FAM168A: variants seen among roughly 807,000 people sequenced by gnomAD.
The protein encoded by FAM168A is protein FAM168A.
FAM168A carries 3 observed loss-of-function variants against 28.5 expected under a neutral mutation model. That is an observed-to-expected ratio of 0.11 (90% CI 0.05 to 0.27). FAM168A has a LOEUF of 0.27. Ranked by LOEUF, FAM168A falls within the 10% of genes least tolerant of loss-of-function variation. The pLI, the probability that FAM168A is intolerant of heterozygous loss-of-function variation, is 1.00. For synonymous variants in FAM168A, 122 were observed against 124.2 expected (o/e 0.98, Z 0.12); for missense variants, 222 against 311.5 (o/e 0.71, Z 2.16).
rs1478864425 is a variant in FAM168A at position 73,402,624 on chromosome 11, A to G, written c.*4139T>C. On this transcript the variant is annotated 3_prime_UTR_variant, in exon 8 of 8. Coordinates refer to ENST00000356467, the MANE Select transcript of FAM168A (RefSeq NM_015159.3). ...CAGTCTGTACGTTTTGTACCAACTC[A>G]CTGGATCTGGACAGTGGGCAGGCTC... 1 of 152,170 alleles carries G rather than the reference A, an allele frequency of 6.6e-6. No individual in the cohort carries two copies. Among genetic ancestry groups the G allele is most frequent in the African/African-American group, 2.4e-5 (1 of 41,432 alleles). 9.4% of individuals were successfully genotyped at this position (152,170 alleles called of 1,614,324 possible). A position where few individuals can be genotyped will look rare whatever the true frequency, so the allele number is the denominator to read the frequency against.
chr11:73,407,466 T>C (rs1866526943), intron 7 of FAM168A, 47 bp downstream of exon 7: 1 of 1,358,760 alleles, frequency 7.4e-7, no homozygotes, highest in African/African-American at 1.5e-5. Context: ...TTGAGGCAGT[T>C]CCTGTATGTA....
chr11:73,424,703 ACTGAGGAG>A (rs1268161505), intron 3 of FAM168A, among the ~76,000 whole-genome samples: 1 of 152,192 alleles, frequency 6.6e-6, no homozygotes, highest in Non-Finnish European at 1.5e-5. Context: ...CACAAAGCCA[ACTGAGGAG>A]CTGCATACAG....
chr11:73,496,903 A>ACACACACG (rs1555027763), intron 1 of FAM168A, among the ~76,000 whole-genome samples: 14 of 148,494 alleles, frequency 9.4e-5, no homozygotes, highest in African/African-American at 1.8e-4. Flanking sequence ...ACACACACAC[A>ACACACACG]CACGCACACA....
chr11:73,578,021 G>GTACTC (rs1944196159), intron 1 of FAM168A, among the ~76,000 whole-genome samples: 1 of 152,134 alleles, frequency 6.6e-6, no homozygotes, highest in Non-Finnish European at 1.5e-5. Flanking sequence ...ACTCCTAAAT[G>GTACTC]TACTCTAGAC....
intron 1 of FAM168A, among the ~76,000 whole-genome samples, chr11:73,533,830 G>C (rs1455657850): frequency 1.3e-5 from 2 of 152,090 alleles, no homozygotes; most frequent in African/African-American, 4.8e-5. Context: ...GTAAACTTTT[G>C]GGGGGAGTGC....
chr11:73,478,168 T>C (rs1054329016), intron 1 of FAM168A, among the ~76,000 whole-genome samples: 3 of 152,214 alleles, frequency 2.0e-5, no homozygotes, highest in Admixed American at 6.5e-5. Flanking sequence ...TTAGTTTGCA[T>C]CTGAACTAGA....
At chr11:73,477,203 A>G (rs1363172304) in intron 1 of FAM168A, among the ~76,000 whole-genome samples, 2 of 152,014 alleles carry the variant, frequency 1.3e-5, no homozygotes, top group Non-Finnish European at 2.9e-5. Flanking sequence ...AATAGACACT[A>G]GGACTTACTT....
chr11:73,573,121 C>T (rs2134723876), intron 1 of FAM168A, among the ~76,000 whole-genome samples: 1 of 152,298 alleles, frequency 6.6e-6, no homozygotes, highest in South Asian at 2.1e-4. Flanking sequence ...AGAGACACCA[C>T]TGGATTCATG....
chr11:73,410,097 A>T (rs1866581696), intron 5 of FAM168A, among the ~76,000 whole-genome samples: 1 of 152,166 alleles, frequency 6.6e-6, no homozygotes, highest in South Asian at 2.1e-4. Flanking sequence ...GTTGTAAAAA[A>T]AAAAAGTACA....
At chr11:73,556,995 C>G (rs1012547469) in intron 1 of FAM168A, among the ~76,000 whole-genome samples, 3 of 151,524 alleles carry the variant, frequency 2.0e-5, no homozygotes, top group Admixed American at 1.3e-4. Context: ...CACCACTGCA[C>G]TCCAGTCTGG....
chr11:73,458,961 C>T (rs1354869009), intron 2 of FAM168A, among the ~76,000 whole-genome samples: 1 of 152,204 alleles, frequency 6.6e-6, no homozygotes, highest in Non-Finnish European at 1.5e-5. Context: ...TAAATGAGAT[C>T]ACAAATCGTA....
chr11:73,567,655 A>T (rs942392172), intron 1 of FAM168A, among the ~76,000 whole-genome samples: 1 of 152,202 alleles, frequency 6.6e-6, no homozygotes, highest in Non-Finnish European at 1.5e-5. Context: ...AATGTTATTT[A>T]TAACTTGATA....
At chr11:73,522,359 G>A (rs1343646263) in intron 1 of FAM168A, among the ~76,000 whole-genome samples, 2 of 151,906 alleles carry the variant, frequency 1.3e-5, no homozygotes, top group Non-Finnish European at 2.9e-5. Flanking sequence ...TCGTTCTGTC[G>A]CCCAGGCTGG....
At chr11:73,425,097 AGTT>A in intron 3 of FAM168A, 1 of 1,392,802 alleles carries the variant, frequency 7.2e-7, no homozygotes, top group Non-Finnish European at 9.7e-7. Context: ...ATTTGTGCAA[AGTT>A]GTATACATTG....
At chr11:73,420,539 C>A (rs1866773673) in intron 3 of FAM168A, among the ~76,000 whole-genome samples, 1 of 152,252 alleles carries the variant, frequency 6.6e-6, no homozygotes, top group Non-Finnish European at 1.5e-5. Context: ...TTAAAAGGCA[C>A]TGGGCACTGT....
intron 2 of FAM168A, chr11:73,452,039 C>T (rs1590786821): frequency 6.6e-6 from 1 of 152,386 alleles, no homozygotes; most frequent in Non-Finnish European, 1.5e-5. Flanking sequence ...CAGCTGCCAC[C>T]ACTGCCACCA....
At chr11:73,463,921 A>C (rs937122163) in intron 2 of FAM168A, among the ~76,000 whole-genome samples, 23 of 152,200 alleles carry the variant, frequency 1.5e-4, no homozygotes, top group Admixed American at 4.6e-4. Context: ...AAAGTAATTA[A>C]GTGACCTTGG....
At chr11:73,493,630 C>T (rs896479142) in intron 1 of FAM168A, among the ~76,000 whole-genome samples, 5 of 152,108 alleles carry the variant, frequency 3.3e-5, no homozygotes, top group Non-Finnish European at 7.4e-5. Flanking sequence ...GTTGCCCAGG[C>T]GGTCTCAAAC....
At chr11:73,564,619 C>T (rs549164161) in intron 1 of FAM168A, among the ~76,000 whole-genome samples, 260 of 151,376 alleles carry the variant, frequency 1.7e-3, no homozygotes, top group Non-Finnish European at 3.0e-3. Context: ...GTCGGGCGCC[C>T]GTAGTCCCAG....
Sources: allele counts gnomAD v4.1 joint callset (sites outside exome capture counted in the v4.1 genomes callset), GRCh38; gene constraint gnomAD v4.1.1; transcripts MANE v1.5; gene names NCBI Gene and HGNC (gene_info 2026-07-23, HGNC 2026-07-21).